The following TBCE variants were observed in gnomAD, a reference collection of about 807,000 sequenced individuals.
The protein encoded by TBCE is tubulin folding cofactor E, also known as tubulin-specific chaperone E.
A neutral mutation model predicts 77.0 loss-of-function variants in TBCE; 53 were observed. The observed-to-expected ratio is 0.69, with a 90% CI of 0.55 to 0.87. TBCE has a LOEUF of 0.87. Among genes scored for constraint, TBCE ranks in the 40% least tolerant of loss-of-function variants. The pLI is 0.00. For missense variants in TBCE, 624 were observed against 622.4 expected (o/e 1.00, Z -0.03); for synonymous variants, 235 against 241.3 (o/e 0.97, Z 0.24).
intron 2 of TBCE, among the ~76,000 whole-genome samples, chr1:235,383,558 A>G (rs1200360587): frequency 6.6e-6 from 1 of 151,914 alleles, no homozygotes; most frequent in Non-Finnish European, 1.5e-5. Flanking sequence ...ATTCCTAGGT[A>G]TTTTATTCTC....
chr1:235,443,199 C>T (rs1413210128), intron 15 of TBCE, among the ~76,000 whole-genome samples: 2 of 139,112 alleles, frequency 1.4e-5, no homozygotes, highest in Admixed American at 7.0e-5. Flanking sequence ...TATATATACA[C>T]ACACACACAC....
At chr1:235,386,786 T>A (rs1256057103) in intron 2 of TBCE, among the ~76,000 whole-genome samples, 1 of 152,222 alleles carries the variant, frequency 6.6e-6, no homozygotes, top group African/African-American at 2.4e-5. Flanking sequence ...TCTGAAGCCT[T>A]CTTCTCTCAA....
chr1:235,402,966 A>T (rs760993700), intron 3 of TBCE, among the ~76,000 whole-genome samples: 22 of 152,068 alleles, frequency 1.4e-4, no homozygotes, highest in Admixed American at 7.2e-4. Flanking sequence ...GAACAAGACA[A>T]GTTTACTAAC....
chr1:235,401,161 A>T (rs1455195990), intron 2 of TBCE, among the ~76,000 whole-genome samples: 1 of 152,136 alleles, frequency 6.6e-6, no homozygotes, highest in Admixed American at 6.6e-5. Flanking sequence ...AGTAGTAACT[A>T]CCCTAAGTAT....
chr1:235,399,734 A>G (rs1470992584), intron 2 of TBCE, among the ~76,000 whole-genome samples: 1 of 152,208 alleles, frequency 6.6e-6, no homozygotes, highest in South Asian at 2.1e-4. Flanking sequence ...CAGCAAATTA[A>G]TCAAATACAA....
intron 3 of TBCE, among the ~76,000 whole-genome samples, chr1:235,405,236 T>G (rs996364922): frequency 5.9e-5 from 9 of 152,094 alleles, no homozygotes; most frequent in African/African-American, 1.9e-4. Context: ...TTGCTGAGAT[T>G]ATAGGCATGA....
rs547182533 is a variant in TBCE, at chr1:235,374,056, C to T, written c.-31-5963C>T. 4.2e-4 allele frequency among the ~76,000 whole-genome samples: 62 copies of T among 145,922 alleles called. 7 individuals are homozygous for T. Among genetic ancestry groups the T allele is most frequent in the Non-Finnish European group, 6.0e-4 (40 of 66,632 alleles). On this transcript the variant is annotated intron_variant, in intron 1 of 16. Coordinates refer to ENST00000642610, the MANE Select transcript of TBCE (RefSeq NM_003193.5). Reference sequence around the variant, plus strand: ...ATGGCATACCTTGGCTGACTGCAGCCTCCGCCTCTTGGGTTCAAGCCTCCA... The same window carrying T: ...ATGGCATACCTTGGCTGACTGCAGCTTCCGCCTCTTGGGTTCAAGCCTCCA...
rs750150845 is a variant in TBCE at position 235,437,478 on chromosome 1, A to T, written c.1116+4A>T. The T allele has an allele frequency of 6.2e-7, 1 of 1,613,874 alleles. No individual in the cohort carries two copies. Among genetic ancestry groups the T allele is most frequent in the Non-Finnish European group, 8.5e-7 (1 of 1,179,892 alleles). On this transcript the variant is annotated splice_donor_region_variant and intron_variant, in intron 12 of 16. Transcript: ENST00000642610. ...GAAGACGCTGAACAAATGTGAGGTG[A>T]GCACTGGCGTCATGACTAGATATTT... is the stretch of plus-strand genomic sequence containing the variant.
At chr1:235,438,953 T>TGGCCTTCA in intron 13 of TBCE, 31 bp downstream of exon 13, 1 of 1,614,030 alleles carries the variant, frequency 6.2e-7, no homozygotes. Flanking sequence ...GGCCTTCAGG[T>TGGCCTTCA]GGTGGATTTC....
chr1:235,372,028 C>T (rs1676999592), intron 1 of TBCE, among the ~76,000 whole-genome samples: 1 of 151,858 alleles, frequency 6.6e-6, no homozygotes, highest in Non-Finnish European at 1.5e-5. Flanking sequence ...GTTGCCCAGG[C>T]TGGAGTACAG....
chr1:235,370,879 T>C (rs1177062732), intron 1 of TBCE, among the ~76,000 whole-genome samples: 3 of 150,572 alleles, frequency 2.0e-5, no homozygotes, highest in African/African-American at 4.9e-5. Context: ...GTAGCTGGGA[T>C]TACAGGCGCA....
At chr1:235,434,304 A>T (rs377561347) in intron 8 of TBCE, 24 bp downstream of exon 8, 196 of 1,555,982 alleles carry the variant, frequency 1.3e-4, no homozygotes, top group Non-Finnish European at 1.7e-4. Context: ...ACTTAAATGC[A>T]TCTATCCCCA....
rs145901416 is a variant in TBCE at position 235,437,987 on chromosome 1, T to C, written c.1116+513T>C. ...CTCCACTTAGATCAGTGCAGTATCA[T>C]TTGAGGCACACCAGGCACCGTCTCC... On this transcript the variant is annotated intron_variant, in intron 12 of 16. Transcript: ENST00000642610. Among the ~76,000 whole-genome samples the C allele has an allele frequency of 5.7e-3, 862 of 152,282 alleles. 10 individuals are homozygous for C. Among genetic ancestry groups the C allele is most frequent in the African/African-American group, 0.019 (808 of 41,550 alleles).
chr1:235,387,696 A>G (rs1021895197), intron 2 of TBCE, among the ~76,000 whole-genome samples: 14 of 152,162 alleles, frequency 9.2e-5, no homozygotes, highest in African/African-American at 2.9e-4. Context: ...TCCAGGTGCC[A>G]TCTGTCACCC....
At chr1:235,405,013 A>G (rs1332227295) in intron 3 of TBCE, among the ~76,000 whole-genome samples, 2 of 141,018 alleles carry the variant, frequency 1.4e-5, no homozygotes, top group Non-Finnish European at 3.0e-5. Context: ...CCCACGCTGG[A>G]GTGCAGTGGC....
intron 4 of TBCE, among the ~76,000 whole-genome samples, chr1:235,416,550 A>T (rs974003898): frequency 4.6e-5 from 7 of 152,128 alleles, no homozygotes; most frequent in African/African-American, 1.7e-4. Context: ...CCAAAAAAAA[A>T]AAACCCCAAA....
At chr1:235,413,281 G>A (rs1412526868) in intron 3 of TBCE, among the ~76,000 whole-genome samples, 3 of 151,826 alleles carry the variant, frequency 2.0e-5, no homozygotes, top group Admixed American at 6.6e-5. Flanking sequence ...CATTGCCTGA[G>A]CCCTGGGAAT....
chr1:235,428,827 A>G (rs966802885), intron 6 of TBCE, among the ~76,000 whole-genome samples: 4 of 151,154 alleles, frequency 2.6e-5, no homozygotes, highest in African/African-American at 4.9e-5. Context: ...TGTTTTTACT[A>G]GAGACGGGGT....
Position 235,367,484 on chromosome 1 carries a change from A to G in TBCE, c.-52A>G, listed in dbSNP as rs1254377106. On this transcript the variant is annotated 5_prime_UTR_variant, in exon 1 of 17. Coordinates refer to ENST00000642610, the MANE Select transcript of TBCE (RefSeq NM_003193.5). Reference sequence around the variant, plus strand: ...GGCTGGAGGGGCTGCTGCTGGGAACACCTGGAGTCTCCGCGGGCAGGTGAG... The same window carrying G: ...GGCTGGAGGGGCTGCTGCTGGGAACGCCTGGAGTCTCCGCGGGCAGGTGAG... 1.3e-5 allele frequency: 2 copies of G among 152,974 alleles called. No homozygotes were observed. The highest frequency in any genetic ancestry group is 4.8e-5 in the African/African-American group (2 of 41,476). The allele number at this position is 152,974 out of a possible 1,614,324, so 9.5% of individuals were successfully genotyped here.
Sources: gnomAD v4.1 joint callset for allele counts (sites outside exome capture counted in the v4.1 genomes callset) on GRCh38, gnomAD v4.1.1 for gene constraint, MANE v1.5 for transcripts, NCBI Gene and HGNC (gene_info 2026-07-23, HGNC 2026-07-21) for gene names.